Variants in MAP3K15 observed in about 807,000 individuals in gnomAD.
MAP3K15 encodes MAPK/ERK kinase kinase 15.
Under a neutral mutation model 99.5 loss-of-function variants are expected in MAP3K15, and 124 were observed. That is an observed-to-expected ratio of 1.25 (90% CI 1.08 to 1.45). The LOEUF is 1.45. MAP3K15 is among the 40% of genes most tolerant of loss of function. The probability of loss-of-function intolerance (pLI) is 0.00; values close to 1 mark genes in which losing one functional copy is unlikely to be tolerated. For synonymous variants in MAP3K15, 494 were observed against 439.6 expected (o/e 1.12, Z -1.55); for missense variants, 1,242 against 1,079.7 (o/e 1.15, Z -2.11).
intron 9 of MAP3K15, among the ~76,000 whole-genome samples, chrX:19,416,645 A>G (rs1284808700): frequency 8.9e-6 from 1 of 112,443 alleles, no homozygotes; most frequent in Admixed American, 9.5e-5. Flanking sequence ...ATTTCAAGAT[A>G]AATGAAGCCA....
intron 6 of MAP3K15, among the ~76,000 whole-genome samples, chrX:19,454,281 C>T (rs746167928): frequency 8.9e-6 from 1 of 111,924 alleles, no homozygotes; most frequent in Admixed American, 9.5e-5. Flanking sequence ...TGTTTTGAAC[C>T]TGGGACTTTG....
chrX:19,376,771 C>A (rs774537192), intron 19 of MAP3K15: 1 of 110,716 alleles, frequency 9.0e-6, no homozygotes, highest in Non-Finnish European at 1.9e-5. Flanking sequence ...TTAAAAGACA[C>A]CAGGCTGGTC....
intron 9 of MAP3K15, among the ~76,000 whole-genome samples, chrX:19,418,610 C>T (rs930224480): frequency 4.5e-5 from 5 of 111,509 alleles, no homozygotes; most frequent in Admixed American, 9.5e-5. Context: ...CTGGAAAACA[C>T]TCTGCAGGAC....
Position 19,398,290 on chromosome X carries a change from C to A in MAP3K15, c.2002G>T (p.Ala668Ser). ...ACTTGATTGCTCAGATCTCGGCCAG[C>A]ATACACAATCCCATACGTGCCTTTC... is the stretch of plus-strand genomic sequence containing the variant. ...LGKGTYGIVYAGRDLSNQVRI... is the reference protein window; with the variant it reads ...LGKGTYGIVYSGRDLSNQVRI... Residue 668 changes from alanine (A) to serine (S), a missense_variant, in exon 15 of 29, where the codon GCT becomes TCT. Transcript: ENST00000338883. 1 of 1,211,231 alleles carries A rather than the reference C, an allele frequency of 8.3e-7. No homozygotes were observed. Among genetic ancestry groups the A allele is most frequent in the South Asian group, 1.8e-5 (1 of 56,956 alleles).
Position 19,398,299 on chromosome X carries a change from T to A in MAP3K15, c.1993A>T (p.Ile665Phe). 2 of 1,210,497 alleles carry A rather than the reference T, an allele frequency of 1.7e-6. No individual in the cohort carries two copies. The highest frequency in any genetic ancestry group is 2.2e-6 in the Non-Finnish European group (2 of 894,961). ...CTCAGATCTCGGCCAGCATACACAA[T>A]CCCATACGTGCCTTTCCCCAAGACA... is the stretch of plus-strand genomic sequence containing the variant. ...RVVLGKGTYG[I>F]VYAGRDLSNQ... Residue 665 changes from isoleucine (I) to phenylalanine (F), a missense_variant, in exon 15 of 29, where the codon ATT (isoleucine) becomes TTT (phenylalanine). Physicochemically the swap from Ile to Phe is conservative, Grantham distance 21 (BLOSUM62 0). Coordinates refer to ENST00000338883, the MANE Select transcript of MAP3K15 (RefSeq NM_001001671.4).
At chrX:19,489,482 G>T (rs1479537853) in intron 1 of MAP3K15, among the ~76,000 whole-genome samples, 1 of 110,935 alleles carries the variant, frequency 9.0e-6, no homozygotes, top group Admixed American at 9.6e-5. Flanking sequence ...TCCCCTCAAG[G>T]TTCATGTGTT....
chrX:19,460,743 CTGTTTTTT>C (rs1476256647), intron 4 of MAP3K15, among the ~76,000 whole-genome samples: 50 of 107,851 alleles, frequency 4.6e-4, no homozygotes, highest in South Asian at 2.0e-3. Flanking sequence ...GCCAGATGTT[CTGTTTTTT>C]TGTTTTTTTG....
chrX:19,471,837 T>A (rs2064209510), intron 3 of MAP3K15, among the ~76,000 whole-genome samples: 1 of 112,293 alleles, frequency 8.9e-6, no homozygotes, highest in South Asian at 3.6e-4. Context: ...GAATTTTATA[T>A]CCACTAAAAC....
chrX:19,495,087 C>T (rs1425400353), intron 1 of MAP3K15, among the ~76,000 whole-genome samples: 5 of 112,013 alleles, frequency 4.5e-5, no homozygotes, highest in Non-Finnish European at 9.4e-5. Flanking sequence ...TCTTGGCTCA[C>T]TGCAACCTCC....
chrX:19,364,582 G>A (rs1287556023), intron 25 of MAP3K15, among the ~76,000 whole-genome samples: 1 of 111,203 alleles, frequency 9.0e-6, no homozygotes, highest in Non-Finnish European at 1.9e-5. Context: ...CTTTCCCTCC[G>A]CCTTTCTGTG....
rs1172064274 is a variant in MAP3K15, at chrX:19,468,214, T to C, written c.526-3808A>G. On this transcript the variant is annotated intron_variant, in intron 3 of 28. Transcript: ENST00000338883. Reference sequence around the variant, plus strand: ...GCAATTAAGAGAAGGCTGGTAGCTCTGTGATAGGAATATGTAAAGGGTAGA... The same window carrying C: ...GCAATTAAGAGAAGGCTGGTAGCTCCGTGATAGGAATATGTAAAGGGTAGA... 3.6e-5 allele frequency among the ~76,000 whole-genome samples: 4 copies of C among 112,186 alleles called. 1 individual carries two copies. Among genetic ancestry groups the C allele is most frequent in the African/African-American group, 1.3e-4 (4 of 30,876 alleles).
intron 12 of MAP3K15, among the ~76,000 whole-genome samples, chrX:19,409,449 A>G (rs1177573161): frequency 9.0e-6 from 1 of 110,739 alleles, no homozygotes; most frequent in East Asian, 2.8e-4. Context: ...AACTGTCATC[A>G]CTCCTGAACC....
chrX:19,388,498 C>T (rs2063506395), intron 18 of MAP3K15, among the ~76,000 whole-genome samples: 1 of 112,240 alleles, frequency 8.9e-6, no homozygotes, highest in Non-Finnish European at 1.9e-5. Flanking sequence ...GCTCTAATAA[C>T]CCATGACTTC....
Position 19,515,402 on chromosome X carries a change from C to T in MAP3K15, c.-141G>A, listed in dbSNP as rs1403152637. ...CGCTACGGGAATCGAGGGAACGGAGCGCACCGGGGACCCCGCGGCGGGCCG... is the reference window on the plus strand; with the variant it reads ...CGCTACGGGAATCGAGGGAACGGAGTGCACCGGGGACCCCGCGGCGGGCCG... On this transcript the variant is annotated 5_prime_UTR_variant, in exon 1 of 29. Coordinates refer to ENST00000338883, the MANE Select transcript of MAP3K15 (RefSeq NM_001001671.4). The T allele has an allele frequency of 1.2e-4, 36 of 305,697 alleles. 1 individual carries two copies. The highest frequency in any genetic ancestry group is 1.6e-4 in the Non-Finnish European group (35 of 218,213). 25.2% of individuals were successfully genotyped at this position (305,697 alleles called of 1,213,427 possible).
At chrX:19,414,995 C>A (rs746775473) in intron 10 of MAP3K15, 112 bp downstream of exon 10, 4 of 674,950 alleles carry the variant, frequency 5.9e-6, no homozygotes, top group Non-Finnish European at 8.4e-6. Flanking sequence ...TTTATCCCAA[C>A]ATTTAAAATT....
chrX:19,505,933 G>A (rs1239635828), intron 1 of MAP3K15, among the ~76,000 whole-genome samples: 1 of 108,142 alleles, frequency 9.2e-6, no homozygotes, highest in Non-Finnish European at 1.9e-5. Context: ...TTTTTTGTTT[G>A]TTTTGTTTTT....
At chrX:19,485,457 C>T (rs12353738) in intron 3 of MAP3K15, among the ~76,000 whole-genome samples, 3 of 109,442 alleles carry the variant, frequency 2.7e-5, no homozygotes, top group Non-Finnish European at 5.7e-5. Context: ...CTAAAACCAC[C>T]GGATGCCTTA....
intron 18 of MAP3K15, among the ~76,000 whole-genome samples, chrX:19,390,502 C>T (rs1331367038): frequency 9.8e-6 from 1 of 101,710 alleles, no homozygotes; most frequent in Non-Finnish European, 2.0e-5. Flanking sequence ...ATGTTATATA[C>T]ATATATTATA....
chrX:19,450,160 C>T (rs1437348536), intron 6 of MAP3K15, among the ~76,000 whole-genome samples: 2 of 109,529 alleles, frequency 1.8e-5, no homozygotes, highest in Admixed American at 1.9e-4. Context: ...GTCTTCAGAA[C>T]CCATTGGAAT....
Sources: gnomAD v4.1 joint callset for allele counts (sites outside exome capture counted in the v4.1 genomes callset) on GRCh38, gnomAD v4.1.1 for gene constraint, MANE v1.5 for transcripts, NCBI Gene and HGNC (gene_info 2026-07-23, HGNC 2026-07-21) for gene names.